PADI2: variants seen among roughly 807,000 people sequenced by gnomAD.
PADI2 encodes the protein protein-arginine deiminase type-2.
In PADI2, 70 loss-of-function variants were observed where a neutral mutation model predicts 81.1. The observed-to-expected ratio is 0.86, with a 90% CI of 0.71 to 1.05. The LOEUF (loss-of-function observed/expected upper bound fraction) is 1.05. PADI2 is among the 50% of genes least tolerant of loss of function. The pLI, the probability that PADI2 is intolerant of heterozygous loss-of-function variation, is 0.00. For synonymous variants in PADI2, 338 were observed against 358.0 expected (o/e 0.94, Z 0.63); for missense variants, 853 against 889.9 (o/e 0.96, Z 0.53).
chr1:17,103,188 C>T (rs1281632827), intron 2 of PADI2, 129 bp from the exon 3 acceptor site: 3 of 680,876 alleles, frequency 4.4e-6, no homozygotes, highest in Non-Finnish European at 7.9e-6. Flanking sequence ...AACATCAGAA[C>T]CCTCTCCTCC....
chr1:17,091,006 AC>A (rs1205675181), intron 6 of PADI2, among the ~76,000 whole-genome samples: 4 of 151,738 alleles, frequency 2.6e-5, no homozygotes, highest in Non-Finnish European at 5.9e-5. Flanking sequence ...CTCCATGACA[AC>A]CCTGGCCTGG....
chr1:17,068,752 T>G lies in PADI2; in HGVS notation c.*292A>C, dbSNP rs2078242983. 2.6e-6 allele frequency: 1 copy of G among 389,760 alleles called. No individual in the cohort carries two copies. Among genetic ancestry groups the G allele is most frequent in the South Asian group, 3.4e-5 (1 of 28,988 alleles). 24.1% of individuals were successfully genotyped at this position (389,760 alleles called of 1,614,324 possible). On this transcript the variant is annotated 3_prime_UTR_variant, in exon 16 of 16. Coordinates refer to ENST00000375486, the MANE Select transcript of PADI2 (RefSeq NM_007365.3). ...GACTCAAAATTCTTTGGGGAGCAGT[T>G]TGGGCACATGGTTTGCTGTGTTTTG...
intron 3 of PADI2, among the ~76,000 whole-genome samples, 161 bp downstream of exon 3, chr1:17,102,826 G>A (rs923443254): frequency 2.0e-5 from 3 of 151,990 alleles, no homozygotes; most frequent in African/African-American, 7.2e-5. Context: ...GAAGGACCGG[G>A]GTGGGGCACA....
chr1:17,107,933 C>G (rs1931443249), intron 1 of PADI2, among the ~76,000 whole-genome samples: 1 of 151,966 alleles, frequency 6.6e-6, no homozygotes, highest in Admixed American at 6.6e-5. Flanking sequence ...TTGCTGTCCC[C>G]TCTCCGCATC....
rs927076697 is a variant in PADI2, at chr1:17,116,876, C to G, written c.92+2404G>C. 2.6e-5 allele frequency among the ~76,000 whole-genome samples: 4 copies of G among 152,306 alleles called. No individual in the cohort carries two copies. The South Asian group carries it at 8.3e-4, about 32-fold the overall frequency. ...GTTGCTCTCATTACTACAGGTAACT[C>G]GAGTCACAATAGCAGTAACAACTCA... is the stretch of plus-strand genomic sequence containing the variant. On this transcript the variant is annotated intron_variant, in intron 1 of 15. Coordinates refer to ENST00000375486, the MANE Select transcript of PADI2 (RefSeq NM_007365.3).
intron 9 of PADI2, 28 bp downstream of exon 9, chr1:17,083,698 C>T (rs1167514601): frequency 4.9e-6 from 7 of 1,441,768 alleles, no homozygotes; most frequent in Non-Finnish European, 6.8e-6. Flanking sequence ...GGGCCATGTC[C>T]TTCCCAGCCT....
intron 13 of PADI2, among the ~76,000 whole-genome samples, chr1:17,071,761 G>A (rs559704542): frequency 3.9e-5 from 6 of 152,232 alleles, no homozygotes; most frequent in Non-Finnish European, 8.8e-5. Flanking sequence ...GCTTTGGCCA[G>A]TGGGATCAGG....
Position 17,067,806 on chromosome 1 carries a change from C to T in PADI2, c.*1238G>A, listed in dbSNP as rs996819133. On this transcript the variant is annotated 3_prime_UTR_variant, in exon 16 of 16. Transcript: ENST00000375486. Reference sequence around the variant, plus strand: ...AATATAAATTACATTATAACCTTTTCATTGGTTATAAATCGGTTCTTCAAA... The same window carrying T: ...AATATAAATTACATTATAACCTTTTTATTGGTTATAAATCGGTTCTTCAAA... 2.0e-5 allele frequency: 3 copies of T among 152,210 alleles called. No homozygotes were observed. The highest frequency in any genetic ancestry group is 6.5e-5 in the Admixed American group (1 of 15,284). The allele number at this position is 152,210 out of a possible 1,614,324, so 9.4% of individuals were successfully genotyped here. A position where few individuals can be genotyped will look rare whatever the true frequency, so the allele number is the denominator to read the frequency against.
At chr1:17,104,829 T>C in intron 2 of PADI2, 49 bp downstream of exon 2, 1 of 1,488,994 alleles carries the variant, frequency 6.7e-7, no homozygotes, top group Admixed American at 1.9e-5. Flanking sequence ...CCTGCCTCTA[T>C]CCTGGCATGG....
Position 17,119,315 on chromosome 1 carries a change from G to A in PADI2, c.57C>T (p.Tyr19=). ...CGGTCCAGAGGTAGGTGCCCAGCAC[G>A]TACACCGCCTCCACGCGGCTCCCGT... ...LQYGSRVEAV[Y]VLGTYLWTDV... Residue 19 remains tyrosine (Y), a synonymous_variant, in exon 1 of 16, where the codon TAC becomes TAT. Transcript: ENST00000375486. The surrounding 1 kb of genome is among the most constrained non-coding windows in gnomAD (Gnocchi z 4.8). 5 of 1,561,410 alleles carry A rather than the reference G, an allele frequency of 3.2e-6. No individual in the cohort carries two copies. The highest frequency in any genetic ancestry group is 2.8e-5 in the African/African-American group (2 of 72,600).
At chr1:17,087,090 G>T (rs1930499353) in intron 6 of PADI2, among the ~76,000 whole-genome samples, 1 of 152,208 alleles carries the variant, frequency 6.6e-6, no homozygotes, top group African/African-American at 2.4e-5. Flanking sequence ...AAGTCAGACA[G>T]CCAGTAAATA....
At chr1:17,094,858 T>C (rs1486847403) in intron 4 of PADI2, among the ~76,000 whole-genome samples, 1 of 152,110 alleles carries the variant, frequency 6.6e-6, no homozygotes, top group Non-Finnish European at 1.5e-5. Context: ...CTCTGTGGAG[T>C]TCATTCTCAT....
Position 17,116,367 on chromosome 1 carries a change from T to C in PADI2, c.92+2913A>G, listed in dbSNP as rs142281547. On this transcript the variant is annotated intron_variant, in intron 1 of 15. Coordinates refer to ENST00000375486, the MANE Select transcript of PADI2 (RefSeq NM_007365.3). ...GCTCACCTTTGCGACTCAGAAGGAG[T>C]GAGGGTCAGGATGCCACTCCGTAAT... Among the ~76,000 whole-genome samples the C allele has an allele frequency of 5.9e-3, 899 of 151,884 alleles. 7 individuals carry two copies. Among genetic ancestry groups the C allele is most frequent in the Admixed American group, 0.012 (185 of 15,272 alleles).
intron 14 of PADI2, 68 bp from the exon 15 acceptor site, chr1:17,070,284 ATCCCTGTCTG>A: frequency 6.3e-7 from 1 of 1,590,000 alleles, no homozygotes; most frequent in Non-Finnish European, 8.6e-7. Context: ...TGTCAACCCC[ATCCCTGTCTG>A]CAGCACCAGG....
At chr1:17,074,015 C>T (rs12134161) in intron 13 of PADI2, among the ~76,000 whole-genome samples, 91,420 of 152,116 alleles carry the variant, frequency 0.6, 27,867 homozygotes, top group Middle Eastern at 0.7. Flanking sequence ...AATTGTATTG[C>T]ATCTATTTTC....
At position 17,069,155 on chromosome 1, in the gene PADI2, G is replaced by T. The variant is rs1457317111; in HGVS notation, c.1887C>A (p.Cys629Ter). ...AGGCAGAAATGTCGTCGATGAAGGTGCATTCGAGGCCCAGGGGCTCCAGGA... is the reference window on the plus strand; with the variant it reads ...AGGCAGAAATGTCGTCGATGAAGGTTCATTCGAGGCCCAGGGGCTCCAGGA... ...RGLLEPLGLE[C>*]TFIDDISAYH... The change falls in exon 16 of 16, where the codon TGC becomes TGA. Residue 629 changes from cysteine (C) to a stop codon, truncating the protein, a stop_gained. Transcript: ENST00000375486. LOFTEE classifies it high-confidence loss of function. 1 of 1,614,096 alleles carries T rather than the reference G, an allele frequency of 6.2e-7. No homozygotes were observed. Among genetic ancestry groups the T allele is most frequent in the Non-Finnish European group, 8.5e-7 (1 of 1,180,016 alleles).
At chr1:17,071,365 C>G in intron 14 of PADI2, 41 bp downstream of exon 14, 1 of 1,476,150 alleles carries the variant, frequency 6.8e-7, no homozygotes, top group Middle Eastern at 1.9e-4. Context: ...CCTCATCCCT[C>G]CCAGGGGCCC....
rs139624393 is a variant in PADI2, at chr1:17,069,250, G to C, written c.1792C>G (p.Leu598Val). 56 of 1,614,068 alleles carry C rather than the reference G, an allele frequency of 3.5e-5. No homozygotes were observed. The Middle Eastern group carries it at 4.9e-4, about 14-fold the overall frequency. ...GGCCCGAATGGCTTGGGGATGCCCA[G>C]GTCCTTGTCCAGCACGATCATGTTC... ...MVNMIVLDKD[L>V]GIPKPFGPQV... Residue 598 changes from leucine to valine, a missense_variant, in exon 16 of 16, where the codon CTG (leucine) becomes GTG (valine). Transcript: ENST00000375486.
At position 17,092,496 on chromosome 1, in the gene PADI2, T is replaced by C. The variant is rs1930737829; in HGVS notation, c.567A>G (p.Lys189=). The change falls in exon 6 of 16, where the codon AAA becomes AAG. Residue 189 remains lysine (K), a synonymous_variant. Coordinates refer to ENST00000375486, the MANE Select transcript of PADI2 (RefSeq NM_007365.3). ...KDMSQMILRT[K]GPDRLPAGYE... ...ATCCGGCGGGGAGGCGGTCGGGGCC[T>C]TTGGTCCGCAGGATCATCTGGGACA... is the stretch of plus-strand genomic sequence containing the variant. 6.2e-7 allele frequency: 1 copy of C among 1,604,594 alleles called. No homozygotes were observed. Among genetic ancestry groups the C allele is most frequent in the Non-Finnish European group, 8.5e-7 (1 of 1,176,248 alleles).
Sources: gnomAD v4.1 joint callset for allele counts (sites outside exome capture counted in the v4.1 genomes callset) on GRCh38, gnomAD v4.1.1 for gene constraint, Gnocchi (gnomAD v3.1) non-coding constraint, MANE v1.5 for transcripts, NCBI Gene and HGNC (gene_info 2026-07-23, HGNC 2026-07-21) for gene names.